Variants in GRID2 observed in about 807,000 individuals in gnomAD.
The protein encoded by GRID2 is glutamate ionotropic receptor delta type subunit 2, also known as glutamate receptor ionotropic, delta-2.
Under a neutral mutation model 114.8 loss-of-function variants are expected in GRID2, and 33 were observed. The ratio of observed to expected loss-of-function variants is 0.29; its 90% CI spans 0.22 to 0.38. The LOEUF is 0.38. Among genes scored for constraint, GRID2 ranks in the 10% least tolerant of loss-of-function variants. The pLI, the probability that GRID2 is intolerant of heterozygous loss-of-function variation, is 1.00. For synonymous variants in GRID2, 505 were observed against 449.9 expected (o/e 1.12, Z -1.55); for missense variants, 1,184 against 1,257.7 (o/e 0.94, Z 0.89).
At chr4:93,301,874 A>C (rs1041938362) in intron 8 of GRID2, among the ~76,000 whole-genome samples, 2 of 152,202 alleles carry the variant, frequency 1.3e-5, no homozygotes, top group African/African-American at 4.8e-5. Flanking sequence ...CAGAAAACAA[A>C]ACATGATAAA....
At chr4:92,606,538 A>G (rs1466237338) in intron 2 of GRID2, among the ~76,000 whole-genome samples, 1 of 151,956 alleles carries the variant, frequency 6.6e-6, no homozygotes, top group Non-Finnish European at 1.5e-5. Context: ...CTGTACCTCA[A>G]ACAAAATTGA....
chr4:92,843,835 A>G (rs1278016495), intron 2 of GRID2, among the ~76,000 whole-genome samples: 2 of 152,176 alleles, frequency 1.3e-5, no homozygotes, highest in Admixed American at 1.3e-4. Context: ...ATCTGAAATC[A>G]TATCAACAAA....
intron 1 of GRID2, among the ~76,000 whole-genome samples, chr4:92,566,080 G>A (rs1292325616): frequency 6.6e-6 from 1 of 151,874 alleles, no homozygotes; most frequent in East Asian, 1.9e-4. Context: ...TGGTTTTGAA[G>A]GCCTAAGAGG....
At chr4:92,534,956 G>A (rs1033485450) in intron 1 of GRID2, among the ~76,000 whole-genome samples, 4 of 152,024 alleles carry the variant, frequency 2.6e-5, no homozygotes, top group Non-Finnish European at 5.9e-5. Flanking sequence ...CAAAATACAG[G>A]TTACATGTTT....
At chr4:93,090,115 G>A (rs565764537) in intron 3 of GRID2, among the ~76,000 whole-genome samples, 114 of 152,166 alleles carry the variant, frequency 7.5e-4, no homozygotes, top group African/African-American at 2.6e-3. Flanking sequence ...AATTTCCCCC[G>A]TGAGATTGCC....
chr4:93,355,608 A>T (rs146957397), intron 8 of GRID2, among the ~76,000 whole-genome samples: 1,678 of 152,204 alleles, frequency 0.011, 19 homozygotes, highest in Middle Eastern at 0.051. Context: ...CGATCTTGTG[A>T]TTCACGAACT....
At chr4:92,589,857 G>C (rs960884543) in intron 1 of GRID2, among the ~76,000 whole-genome samples, 1 of 152,064 alleles carries the variant, frequency 6.6e-6, no homozygotes, top group African/African-American at 2.4e-5. Context: ...ACTTTGTCAT[G>C]TAGAAGCTTT....
chr4:92,671,809 C>T (rs952194499), intron 2 of GRID2, among the ~76,000 whole-genome samples: 3 of 152,030 alleles, frequency 2.0e-5, no homozygotes, highest in African/African-American at 7.2e-5. Context: ...TATAATGTAG[C>T]TCTCCTCCCA....
intron 2 of GRID2, among the ~76,000 whole-genome samples, chr4:93,062,792 G>A (rs1727922308): frequency 6.6e-6 from 1 of 151,898 alleles, no homozygotes; most frequent in African/African-American, 2.4e-5. Flanking sequence ...AGTATTTTCT[G>A]TATTCAGGAA....
intron 8 of GRID2, among the ~76,000 whole-genome samples, chr4:93,326,369 T>G (rs1757837033): frequency 6.6e-6 from 1 of 152,186 alleles, no homozygotes; most frequent in Non-Finnish European, 1.5e-5. Flanking sequence ...CTGCAGTTGC[T>G]GCAAATATTC....
chr4:92,661,403 A>G (rs1468883505), intron 2 of GRID2, among the ~76,000 whole-genome samples: 1 of 150,972 alleles, frequency 6.6e-6, no homozygotes, highest in Non-Finnish European at 1.5e-5. Context: ...TGGCCAATAC[A>G]TTAAAAAATA....
intron 1 of GRID2, among the ~76,000 whole-genome samples, chr4:92,572,752 A>G (rs1438506770): frequency 6.6e-6 from 1 of 152,006 alleles, no homozygotes; most frequent in African/African-American, 2.4e-5. Context: ...TTTCACATAG[A>G]TGTTCACCAA....
At chr4:93,582,597 A>G (rs2196320) in intron 13 of GRID2, among the ~76,000 whole-genome samples, 3 of 152,066 alleles carry the variant, frequency 2.0e-5, no homozygotes, top group African/African-American at 7.2e-5. Flanking sequence ...AGAAGTAGCG[A>G]TCATCTCAGA....
intron 14 of GRID2, among the ~76,000 whole-genome samples, chr4:93,764,563 C>T (rs1012457327): frequency 2.0e-5 from 3 of 152,096 alleles, no homozygotes; most frequent in African/African-American, 4.8e-5. Flanking sequence ...GAGATCGTCA[C>T]GTGTGGTCTT....
intron 1 of GRID2, among the ~76,000 whole-genome samples, chr4:92,357,576 C>T (rs955754624): frequency 6.6e-6 from 1 of 151,666 alleles, no homozygotes; most frequent in Non-Finnish European, 1.5e-5. Flanking sequence ...TAGTATGTTA[C>T]ACTTGCCTGT....
chr4:93,575,904 T>C (rs1473599634), intron 13 of GRID2, among the ~76,000 whole-genome samples: 3 of 152,198 alleles, frequency 2.0e-5, no homozygotes, highest in Admixed American at 2.0e-4. Flanking sequence ...CCTTGATATT[T>C]TTGGGCATTG....
chr4:92,971,445 T>C (rs1753511947), intron 2 of GRID2, among the ~76,000 whole-genome samples: 1 of 152,064 alleles, frequency 6.6e-6, no homozygotes, highest in South Asian at 2.1e-4. Context: ...TAATTGTACA[T>C]ACACAGTTAT....
chr4:93,145,644 CTTTTTTTT>C (rs10605313), intron 4 of GRID2, among the ~76,000 whole-genome samples: 13 of 45,710 alleles, frequency 2.8e-4, no homozygotes, highest in East Asian at 2.2e-3. Flanking sequence ...TTCTTTTTTC[CTTTTTTTT>C]TTTTTTTTTT....
At chr4:92,902,673 T>G (rs1308226501) in intron 2 of GRID2, among the ~76,000 whole-genome samples, 1 of 152,008 alleles carries the variant, frequency 6.6e-6, no homozygotes, top group African/African-American at 2.4e-5. Flanking sequence ...TTTGTATATG[T>G]GAGATGTAGG....
Sources: allele counts gnomAD v4.1 joint callset (sites outside exome capture counted in the v4.1 genomes callset), GRCh38; gene constraint gnomAD v4.1.1; transcripts MANE v1.5; gene names NCBI Gene and HGNC (gene_info 2026-07-23, HGNC 2026-07-21).